Variants in RABGAP1L observed in about 807,000 individuals in gnomAD.
The protein encoded by RABGAP1L is rab GTPase-activating protein 1-like.
Under a neutral mutation model 137.7 loss-of-function variants are expected in RABGAP1L, and 63 were observed. That is an observed-to-expected ratio of 0.46 (90% CI 0.37 to 0.56). The LOEUF (loss-of-function observed/expected upper bound fraction) is 0.56. RABGAP1L is among the 20% of genes least tolerant of loss of function. The pLI is 0.00. For synonymous variants in RABGAP1L, 431 were observed against 433.7 expected (o/e 0.99, Z 0.08); for missense variants, 1,095 against 1,244.0 (o/e 0.88, Z 1.80).
At chr1:174,308,466 C>G (rs1167120120) in intron 11 of RABGAP1L, among the ~76,000 whole-genome samples, 1 of 151,986 alleles carries the variant, frequency 6.6e-6, no homozygotes, top group Non-Finnish European at 1.5e-5. Context: ...AAACCAGTGT[C>G]ATGGAGCTGC....
intron 10 of RABGAP1L, among the ~76,000 whole-genome samples, chr1:174,282,776 T>C (rs1245143221): frequency 2.0e-5 from 3 of 152,228 alleles, no homozygotes; most frequent in East Asian, 3.8e-4. Context: ...TTAATTTGTA[T>C]GTATGGCATG....
chr1:174,393,510 C>T (rs1404185832), intron 12 of RABGAP1L, among the ~76,000 whole-genome samples: 1 of 152,124 alleles, frequency 6.6e-6, no homozygotes, highest in Non-Finnish European at 1.5e-5. Context: ...GTCTTTGGCA[C>T]TTGGCCCAGC....
chr1:174,305,567 G>T (rs1678134772), intron 11 of RABGAP1L, among the ~76,000 whole-genome samples: 1 of 151,780 alleles, frequency 6.6e-6, no homozygotes, highest in South Asian at 2.1e-4. Flanking sequence ...TGTATTTTTA[G>T]TAGAGATGGG....
intron 13 of RABGAP1L, among the ~76,000 whole-genome samples, chr1:174,525,469 C>T (rs189234672): frequency 2.6e-5 from 4 of 151,870 alleles, no homozygotes; most frequent in South Asian, 2.1e-4. Flanking sequence ...GAAATGCTTC[C>T]GATTTTTGTT....
intron 13 of RABGAP1L, 107 bp downstream of exon 13, chr1:174,394,252 A>G (rs1370779547): frequency 2.2e-6 from 3 of 1,335,200 alleles, no homozygotes; most frequent in South Asian, 2.9e-5. Context: ...CTTCATGAAT[A>G]TATTGAGGTC....
At chr1:174,630,029 T>TC (rs1673226588) in intron 13 of RABGAP1L, among the ~76,000 whole-genome samples, 1 of 151,348 alleles carries the variant, frequency 6.6e-6, no homozygotes, top group Admixed American at 6.6e-5. Flanking sequence ...TGGCTGTGGG[T>TC]TTGTCATAGA....
At chr1:174,380,964 G>A (rs1426518856) in intron 12 of RABGAP1L, among the ~76,000 whole-genome samples, 15 of 116,268 alleles carry the variant, frequency 1.3e-4, no homozygotes, top group African/African-American at 2.4e-4. Context: ...CTTTGAATGC[G>A]TCCCAGAGAT....
Position 174,716,354 on chromosome 1 carries a change from G to A in RABGAP1L, c.2169+14098G>A, listed in dbSNP as rs367585943. ...TCACAGACATTATCATCATAGTGGC[G>A]CACTACAGCCTTGAAATCCTGGGCT... On this transcript the variant is annotated intron_variant, in intron 17 of 25. Coordinates refer to ENST00000681986, the MANE Select transcript of RABGAP1L (RefSeq NM_001366446.1). 5.3e-5 allele frequency among the ~76,000 whole-genome samples: 8 copies of A among 152,228 alleles called. No individual in the cohort carries two copies. In the East Asian group the frequency reaches 9.7e-4, roughly 18 times the overall value.
chr1:174,457,477 C>CTTTTTTTTTTT (rs746968960), intron 13 of RABGAP1L, among the ~76,000 whole-genome samples: 1 of 107,496 alleles, frequency 9.3e-6, no homozygotes, highest in African/African-American at 4.2e-5. Flanking sequence ...CAGGCATCAT[C>CTTTTTTTTTTT]TTTTTTTTTT....
intron 12 of RABGAP1L, among the ~76,000 whole-genome samples, chr1:174,392,018 A>G (rs1330144413): frequency 6.6e-6 from 1 of 152,190 alleles, no homozygotes; most frequent in East Asian, 1.9e-4. Flanking sequence ...CTTGTCAAAT[A>G]GTTTATTCAG....
chr1:174,507,082 G>C (rs1661887195), intron 13 of RABGAP1L, among the ~76,000 whole-genome samples: 1 of 152,114 alleles, frequency 6.6e-6, no homozygotes, highest in Non-Finnish European at 1.5e-5. Flanking sequence ...ATTTTTACTT[G>C]TCAATTTAAA....
intron 19 of RABGAP1L, among the ~76,000 whole-genome samples, chr1:174,922,983 G>C (rs1022104388): frequency 2.6e-5 from 4 of 151,970 alleles, no homozygotes; most frequent in Non-Finnish European, 5.9e-5. Context: ...AGACCAGCCC[G>C]GGCAACAGAG....
At chr1:174,430,700 T>A in intron 13 of RABGAP1L, among the ~76,000 whole-genome samples, 1 of 152,222 alleles carries the variant, frequency 6.6e-6, no homozygotes, top group Non-Finnish European at 1.5e-5. Context: ...CATTTCCCAC[T>A]GTTCTTGGAA....
In RABGAP1L at chr1:174,448,121, T is replaced by G. The variant is rs1655000445; in HGVS notation, c.1710+53976T>G. 3.1e-6 allele frequency: 5 copies of G among 1,610,536 alleles called. No homozygotes were observed. The highest frequency in any genetic ancestry group is 4.2e-6 in the Non-Finnish European group (5 of 1,177,896). On this transcript the variant is annotated intron_variant, in intron 13 of 25. Transcript: ENST00000681986. The surrounding 1 kb of genome is among the most constrained non-coding windows in gnomAD (Gnocchi z 4.2). ...TTTAAATTTCCAAGCCATGAATGAA[T>G]CCAGGTGGACTGAATGGAGGATCCT...
intron 13 of RABGAP1L, among the ~76,000 whole-genome samples, chr1:174,542,148 G>C (rs1260684569): frequency 6.6e-6 from 1 of 152,148 alleles, no homozygotes; most frequent in Non-Finnish European, 1.5e-5. Context: ...CTGTTGATTG[G>C]AATAGTTTCA....
In RABGAP1L at chr1:174,773,182, G is replaced by GTGTGTGTTTA. The variant is rs35089169; in HGVS notation, c.2211+20829_2211+20830insGTGTGTTTAT. ...CTATGGGGTGTGTGTGTGTGTGTGT[G>GTGTGTGTTTA]TTTATTTTAAACCTTACAATTGCTC... On this transcript the variant is annotated intron_variant, in intron 18 of 25. Coordinates refer to ENST00000681986, the MANE Select transcript of RABGAP1L (RefSeq NM_001366446.1). Among the ~76,000 whole-genome samples, 9 of 151,988 alleles carry GTGTGTGTTTA rather than the reference G, an allele frequency of 5.9e-5. No homozygotes were observed. The South Asian group carries it at 1.7e-3, about 28-fold the overall frequency.
intron 19 of RABGAP1L, among the ~76,000 whole-genome samples, chr1:174,840,678 T>G (rs1053482977): frequency 1.3e-5 from 2 of 149,938 alleles, no homozygotes; most frequent in East Asian, 1.9e-4. Flanking sequence ...TAGCTGGGCG[T>G]GGTGGCAGGC....
intron 13 of RABGAP1L, among the ~76,000 whole-genome samples, chr1:174,473,944 T>C (rs1402169996): frequency 6.6e-6 from 1 of 152,214 alleles, no homozygotes; most frequent in African/African-American, 2.4e-5. Context: ...ACAAACCCTT[T>C]TCTAGAACTT....
At position 174,568,845 on chromosome 1, in the gene RABGAP1L, TAAAC is replaced by T. The variant is rs547987695; in HGVS notation, c.1711-68526_1711-68523del. ...AATTTGGGATTTGGAAAAGAATAGATAAACAAAAGGGAACAAAATTGCTTATACA... is the reference window on the plus strand; with the variant it reads ...AATTTGGGATTTGGAAAAGAATAGATAAAAGGGAACAAAATTGCTTATACA... On this transcript the variant is annotated intron_variant, in intron 13 of 25. Coordinates refer to ENST00000681986, the MANE Select transcript of RABGAP1L (RefSeq NM_001366446.1). Among the ~76,000 whole-genome samples the T allele has an allele frequency of 1.2e-3, 180 of 152,234 alleles. No individual in the cohort carries two copies. In the Middle Eastern group the frequency reaches 0.017, roughly 14 times the overall value.
Sources: allele counts gnomAD v4.1 joint callset (sites outside exome capture counted in the v4.1 genomes callset), GRCh38; gene constraint gnomAD v4.1.1; non-coding constraint Gnocchi (gnomAD v3.1); transcripts MANE v1.5; gene names NCBI Gene and HGNC (gene_info 2026-07-23, HGNC 2026-07-21).